TAMM41: variants seen among roughly 807,000 people sequenced by gnomAD.
TAMM41 encodes TAM41 mitochondrial translocator assembly and maintenance homolog.
In TAMM41, 36 loss-of-function variants were observed where a neutral mutation model predicts 44.1. That is an observed-to-expected ratio of 0.82 (90% CI 0.63 to 1.08). The LOEUF (loss-of-function observed/expected upper bound fraction) is 1.08. Ranked by LOEUF, TAMM41 falls within the 50% of genes least tolerant of loss-of-function variation. The pLI is 0.00. For missense variants in TAMM41, 417 were observed against 404.3 expected (o/e 1.03, Z -0.27); for synonymous variants, 164 against 153.1 (o/e 1.07, Z -0.53).
At chr3:11,732,075 C>A in the TAMM41 span, among the ~76,000 whole-genome samples, 1 of 152,062 alleles carries the variant, frequency 6.6e-6, no homozygotes, top group Non-Finnish European at 1.5e-5. Flanking sequence ...CCATGTTGCC[C>A]AGTCTGGTCT....
the TAMM41 span, among the ~76,000 whole-genome samples, chr3:11,725,425 TTCCTCCTCCTCCTCC>T: frequency 4.4e-5 from 3 of 68,108 alleles, no homozygotes; most frequent in South Asian, 1.6e-3. Flanking sequence ...TTCTTCTTCT[TTCCTCCTCCTCCTCC>T]TCCTCCTCCT....
At position 11,846,862 on chromosome 3, in the gene TAMM41, CG is replaced by C; in HGVS notation, c.-227del. ...AGCCCAGATAGGCTCGGGTGGGCGG[CG>C]GTCGCACAGGCAGAGCTTCCGTCCC... On this transcript the variant is annotated 5_prime_UTR_variant, in exon 1 of 8. Coordinates refer to ENST00000455809, the MANE Select transcript of TAMM41 (RefSeq NM_001284401.2). The C allele has an allele frequency of 1.8e-6, 1 of 555,688 alleles. No homozygotes were observed. The highest frequency in any genetic ancestry group is 3.2e-6 in the Non-Finnish European group (1 of 312,350). 34.4% of individuals were successfully genotyped at this position (555,688 alleles called of 1,614,324 possible). A position where few individuals can be genotyped will look rare whatever the true frequency, so the allele number is the denominator to read the frequency against.
the TAMM41 span, among the ~76,000 whole-genome samples, chr3:11,737,380 G>A: frequency 0.012 from 1,771 of 151,174 alleles, 40 homozygotes; most frequent in African/African-American, 0.041. Flanking sequence ...GAGTGCAATG[G>A]CACGATCTCG....
At chr3:11,823,194 T>C (rs1390190460) in intron 4 of TAMM41, among the ~76,000 whole-genome samples, 1 of 152,174 alleles carries the variant, frequency 6.6e-6, no homozygotes, top group Non-Finnish European at 1.5e-5. Context: ...GAAATGGCTA[T>C]TCAAATCCTT....
chr3:11,747,625 T>G, the TAMM41 span, among the ~76,000 whole-genome samples: 1 of 150,940 alleles, frequency 6.6e-6, no homozygotes, highest in Non-Finnish European at 1.5e-5. Context: ...AAAAACTAGC[T>G]GGGTATGGTG....
At chr3:11,735,898 G>A in the TAMM41 span, among the ~76,000 whole-genome samples, 1 of 152,084 alleles carries the variant, frequency 6.6e-6, no homozygotes, top group Non-Finnish European at 1.5e-5. Flanking sequence ...TCCAAACCAC[G>A]CAGGGCCCAG....
intron 7 of TAMM41, among the ~76,000 whole-genome samples, chr3:11,794,632 C>T (rs1450119410): frequency 6.6e-6 from 1 of 152,182 alleles, no homozygotes; most frequent in Non-Finnish European, 1.5e-5. Flanking sequence ...ATGCAGAAAG[C>T]TATGTCACTA....
At chr3:11,730,417 CAA>C in the TAMM41 span, among the ~76,000 whole-genome samples, 23 of 99,162 alleles carry the variant, frequency 2.3e-4, no homozygotes, top group Non-Finnish European at 2.6e-4. Flanking sequence ...TACTTCATCT[CAA>C]AAAAAAAAAA....
the TAMM41 span, among the ~76,000 whole-genome samples, chr3:11,782,886 T>G: frequency 6.6e-6 from 1 of 152,208 alleles, no homozygotes; most frequent in East Asian, 1.9e-4. Context: ...TCTGATGAGA[T>G]TCAGTCCTGT....
chr3:11,807,128 G>C, intron 7 of TAMM41: 1 of 966,250 alleles, frequency 1.0e-6, no homozygotes, highest in Non-Finnish European at 1.2e-6. Flanking sequence ...TGAAAGACAT[G>C]AGATACAGTA....
intron 5 of TAMM41, chr3:11,811,122 C>T (rs2078074925): frequency 6.6e-6 from 1 of 151,948 alleles, no homozygotes; most frequent in Non-Finnish European, 1.5e-5. Flanking sequence ...CTAGTTTTGT[C>T]TATAAACTCT....
rs117318306 is a variant in TAMM41, at chr3:11,836,427, C to G, written c.411+2795G>C. Among the ~76,000 whole-genome samples, 114 of 152,296 alleles carry G rather than the reference C, an allele frequency of 7.5e-4. No homozygotes were observed. In the East Asian group the frequency reaches 0.015, roughly 20 times the overall value. Reference sequence around the variant, plus strand: ...GAATATGACTCAAGGCTTCTAATTTCATGTCCACTATTCTTCCCATCAAGC... The same window carrying G: ...GAATATGACTCAAGGCTTCTAATTTGATGTCCACTATTCTTCCCATCAAGC... On this transcript the variant is annotated intron_variant, in intron 3 of 7. Transcript: ENST00000455809.
At chr3:11,829,481 A>C (rs374316093) in intron 4 of TAMM41, among the ~76,000 whole-genome samples, 8 of 152,250 alleles carry the variant, frequency 5.3e-5, no homozygotes, top group Middle Eastern at 3.2e-3. Flanking sequence ...TTACTTCAAA[A>C]TAAAAATTAA....
chr3:11,723,734 A>G, the TAMM41 span, among the ~76,000 whole-genome samples: 19 of 152,376 alleles, frequency 1.2e-4, no homozygotes, highest in East Asian at 2.9e-3. Context: ...TAAAAAATGT[A>G]TAAGGAACAT....
the TAMM41 span, among the ~76,000 whole-genome samples, chr3:11,782,464 C>T: frequency 2.0e-5 from 3 of 151,194 alleles, no homozygotes; most frequent in Non-Finnish European, 4.4e-5. Flanking sequence ...GTAGGATGGC[C>T]TGAGCCCAGG....
chr3:11,753,983 T>C, the TAMM41 span, among the ~76,000 whole-genome samples: 1 of 152,034 alleles, frequency 6.6e-6, no homozygotes, highest in African/African-American at 2.4e-5. Context: ...CGGCCTCGTG[T>C]TCTCCTCACA....
Position 11,806,603 on chromosome 3 carries a change from C to T in TAMM41, c.937+1230G>A, listed in dbSNP as rs2077916886. On this transcript the variant is annotated intron_variant, in intron 7 of 7. Coordinates refer to ENST00000455809, the MANE Select transcript of TAMM41 (RefSeq NM_001284401.2). Reference sequence around the variant, plus strand: ...AAGACAAAAGAAAGAAAACCAAAGACTAATCTAGGGGGTGCAATATCTGAA... The same window carrying T: ...AAGACAAAAGAAAGAAAACCAAAGATTAATCTAGGGGGTGCAATATCTGAA... 3.3e-5 allele frequency among the ~76,000 whole-genome samples: 5 copies of T among 151,960 alleles called. No individual in the cohort carries two copies. In the South Asian group the frequency reaches 1.0e-3, roughly 32 times the overall value.
the TAMM41 span, among the ~76,000 whole-genome samples, chr3:11,722,640 CTG>C: frequency 1.3e-5 from 2 of 152,096 alleles, no homozygotes; most frequent in Non-Finnish European, 2.9e-5. Flanking sequence ...CAGGGCCAGC[CTG>C]GCCAACATGG....
intron 4 of TAMM41, among the ~76,000 whole-genome samples, chr3:11,818,059 T>C (rs566688086): frequency 6.6e-6 from 1 of 152,290 alleles, no homozygotes; most frequent in East Asian, 1.9e-4. Context: ...AATGGGAAAG[T>C]GGACACACTT....
Sources: allele counts gnomAD v4.1 joint callset (sites outside exome capture counted in the v4.1 genomes callset), GRCh38; gene constraint gnomAD v4.1.1; transcripts MANE v1.5; gene names NCBI Gene and HGNC (gene_info 2026-07-23, HGNC 2026-07-21).